Variants in EXOC4 observed in about 807,000 individuals in gnomAD.
The protein encoded by EXOC4 is SEC8-like 1.
A neutral mutation model predicts 107.2 loss-of-function variants in EXOC4; 71 were observed. That is an observed-to-expected ratio of 0.66 (90% confidence interval 0.55 to 0.81). EXOC4 has a LOEUF of 0.81. EXOC4 is among the 30% of genes least tolerant of loss of function. EXOC4 has a pLI of 0.00. For missense variants in EXOC4, 1,108 were observed against 1,189.6 expected, an observed-to-expected ratio of 0.93 and a Z score of 1.01; for synonymous variants, 456 against 441.2, an observed-to-expected ratio of 1.03 and a Z score of -0.42.
At chr7:133,774,689 T>C (rs1796310302) in intron 10 of EXOC4, among the ~76,000 whole-genome samples, 3 of 152,126 alleles carry the variant, frequency 2.0e-5, no homozygotes, top group Admixed American at 6.6e-5. Context: ...TAGTATATGG[T>C]CCTTAACTTA....
intron 11 of EXOC4, among the ~76,000 whole-genome samples, chr7:133,842,715 C>T (rs956255288): frequency 1.3e-5 from 2 of 151,972 alleles, no homozygotes; most frequent in Non-Finnish European, 2.9e-5. Flanking sequence ...TTTCCAGGTC[C>T]TATGTCCAGA....
intron 9 of EXOC4, among the ~76,000 whole-genome samples, chr7:133,509,909 C>T (rs1010011031): frequency 6.6e-6 from 1 of 152,154 alleles, no homozygotes; most frequent in Non-Finnish European, 1.5e-5. Flanking sequence ...TCTTTTCTTT[C>T]TTCTTCTTTT....
At chr7:133,298,919 T>A (rs1794581978) in intron 3 of EXOC4, among the ~76,000 whole-genome samples, 1 of 152,204 alleles carries the variant, frequency 6.6e-6, no homozygotes, top group African/African-American at 2.4e-5. Flanking sequence ...GGGAATTGGT[T>A]TAAGTCATTG....
chr7:133,309,498 A>G (rs1246254764), intron 4 of EXOC4, among the ~76,000 whole-genome samples: 1 of 152,180 alleles, frequency 6.6e-6, no homozygotes, highest in Non-Finnish European at 1.5e-5. Flanking sequence ...AAACTGTGAG[A>G]CGTACAACCA....
chr7:134,073,270 C>CAAGACTGT, the EXOC4 span, among the ~76,000 whole-genome samples: 1 of 145,184 alleles, frequency 6.9e-6, no homozygotes, highest in Non-Finnish European at 1.5e-5. Flanking sequence ...AGGGTGGACC[C>CAAGACTGT]AAGACTGTTA....
intron 10 of EXOC4, among the ~76,000 whole-genome samples, chr7:133,720,809 A>G (rs962561765): frequency 6.6e-6 from 1 of 152,332 alleles, no homozygotes; most frequent in Admixed American, 6.5e-5. Flanking sequence ...GAGGATAGAT[A>G]ACTTCAAACT....
At chr7:133,273,809 TC>T (rs1337556046) in intron 1 of EXOC4, among the ~76,000 whole-genome samples, 2 of 152,260 alleles carry the variant, frequency 1.3e-5, no homozygotes, top group African/African-American at 4.8e-5. Flanking sequence ...TGAAAGCAGT[TC>T]TAATGATGGA....
At chr7:133,979,705 G>A (rs568399795) in intron 14 of EXOC4, among the ~76,000 whole-genome samples, 8 of 151,942 alleles carry the variant, frequency 5.3e-5, no homozygotes, top group East Asian at 3.9e-4. Flanking sequence ...GGAGAATGGC[G>A]TGAACCTGGG....
intron 14 of EXOC4, among the ~76,000 whole-genome samples, chr7:133,972,926 TC>T (rs1801275582): frequency 6.6e-6 from 1 of 152,226 alleles, no homozygotes; most frequent in South Asian, 2.1e-4. Flanking sequence ...AGATACATAG[TC>T]AATCAGCTGG....
chr7:133,483,908 C>T (rs1584951910), intron 9 of EXOC4: 1 of 886,114 alleles, frequency 1.1e-6, no homozygotes, highest in Non-Finnish European at 1.9e-6. Context: ...CCTGAAAAGG[C>T]ATAATTGAAT....
At chr7:133,541,265 C>T (rs1032096309) in intron 9 of EXOC4, among the ~76,000 whole-genome samples, 3 of 152,146 alleles carry the variant, frequency 2.0e-5, no homozygotes, top group African/African-American at 7.2e-5. Flanking sequence ...TTCTGAGAAC[C>T]TATGCCCAAA....
chr7:133,294,600 A>G (rs1035963486), intron 3 of EXOC4, among the ~76,000 whole-genome samples: 2 of 152,160 alleles, frequency 1.3e-5, no homozygotes, highest in Non-Finnish European at 2.9e-5. Context: ...TATGATAATT[A>G]TAATAACAAC....
intron 12 of EXOC4, among the ~76,000 whole-genome samples, chr7:133,898,671 G>A (rs368615471): frequency 5.4e-5 from 8 of 148,706 alleles, no homozygotes; most frequent in African/African-American, 1.5e-4. Flanking sequence ...GCATGAACCC[G>A]GGAGGCGGAG....
intron 10 of EXOC4, among the ~76,000 whole-genome samples, chr7:133,642,586 T>C (rs1802884773): frequency 6.6e-6 from 1 of 152,208 alleles, no homozygotes; most frequent in Non-Finnish European, 1.5e-5. Flanking sequence ...TTGATACTTG[T>C]TGCCATTGCT....
intron 14 of EXOC4, among the ~76,000 whole-genome samples, chr7:133,977,550 C>G (rs929951928): frequency 3.3e-5 from 5 of 152,208 alleles, no homozygotes; most frequent in Admixed American, 3.3e-4. Flanking sequence ...TCTATCCCTG[C>G]CTTGGCTCAC....
chr7:133,960,103 A>G (rs769326576), intron 14 of EXOC4, among the ~76,000 whole-genome samples: 1 of 152,212 alleles, frequency 6.6e-6, no homozygotes, highest in Non-Finnish European at 1.5e-5. Context: ...CCTAGGAAGC[A>G]GCTAGCCCAG....
intron 10 of EXOC4, among the ~76,000 whole-genome samples, chr7:133,687,831 T>C (rs1336115658): frequency 2.0e-5 from 3 of 152,174 alleles, no homozygotes; most frequent in Non-Finnish European, 4.4e-5. Context: ...GTCATTATTT[T>C]AGCTTAACTA....
chr7:133,932,436 G>A (rs1479417097), intron 13 of EXOC4, among the ~76,000 whole-genome samples: 2 of 152,042 alleles, frequency 1.3e-5, no homozygotes, highest in African/African-American at 2.4e-5. Flanking sequence ...ACTCTTTGTT[G>A]TTATTTTAGA....
chr7:133,795,539 C>T (rs1174452310), intron 10 of EXOC4, among the ~76,000 whole-genome samples: 2 of 152,066 alleles, frequency 1.3e-5, no homozygotes, highest in South Asian at 2.1e-4. Flanking sequence ...GAAACTGAAG[C>T]CTAGGGCTAC....
Sources: allele counts gnomAD v4.1 joint callset (sites outside exome capture counted in the v4.1 genomes callset), GRCh38; gene constraint gnomAD v4.1.1; transcripts MANE v1.5; gene names NCBI Gene and HGNC (gene_info 2026-07-23, HGNC 2026-07-21).